Variants in ZNF33B observed in about 807,000 individuals in gnomAD.
ZNF33B encodes zinc finger protein 33B, also known as zinc finger protein 11b (KOX 2).
A neutral mutation model predicts 45.8 loss-of-function variants in ZNF33B; 29 were observed. The observed-to-expected ratio is 0.63, with a 90% CI of 0.47 to 0.86. The LOEUF (loss-of-function observed/expected upper bound fraction) is 0.86. Ranked by LOEUF, ZNF33B falls within the 40% of genes least tolerant of loss-of-function variation. The probability of loss-of-function intolerance (pLI) is 0.00; values close to 1 mark genes in which losing one functional copy is unlikely to be tolerated. For synonymous variants in ZNF33B, 305 were observed against 307.8 expected (o/e 0.99, Z 0.10); for missense variants, 831 against 909.9 (o/e 0.91, Z 1.12).
intron 4 of ZNF33B, among the ~76,000 whole-genome samples, chr10:42,630,052 T>A (rs1838980908): frequency 6.6e-6 from 1 of 152,098 alleles, no homozygotes; most frequent in Admixed American, 6.6e-5. Context: ...ACGAGAAAAA[T>A]ATATTTATCC....
chr10:42,603,964 A>T (rs768443116), intron 4 of ZNF33B, among the ~76,000 whole-genome samples: 2 of 152,250 alleles, frequency 1.3e-5, no homozygotes, highest in South Asian at 4.1e-4. Context: ...CCTAGAGAGA[A>T]TAGAGGAATC....
chr10:42,624,610 T>C (rs1298485518), intron 4 of ZNF33B, among the ~76,000 whole-genome samples: 2 of 152,194 alleles, frequency 1.3e-5, no homozygotes, highest in Non-Finnish European at 1.5e-5. Context: ...AGAAAAGTTA[T>C]AACAATATGC....
intron 4 of ZNF33B, among the ~76,000 whole-genome samples, chr10:42,618,638 A>T (rs979217521): frequency 6.6e-6 from 1 of 152,236 alleles, no homozygotes; most frequent in Non-Finnish European, 1.5e-5. Flanking sequence ...TGATAAAAAC[A>T]TCTTTCATTA....
At chr10:42,631,220 T>G (rs908426307) in intron 4 of ZNF33B, among the ~76,000 whole-genome samples, 1 of 152,182 alleles carries the variant, frequency 6.6e-6, no homozygotes, top group African/African-American at 2.4e-5. Context: ...ATTTACTTAT[T>G]TTTGAGACAG....
chr10:42,620,567 A>T (rs1451974285), intron 4 of ZNF33B, among the ~76,000 whole-genome samples: 6 of 142,436 alleles, frequency 4.2e-5, no homozygotes, highest in East Asian at 2.1e-4. Context: ...ACACCCAACT[A>T]TTTTTTTTTT....
At chr10:42,636,823 A>C in intron 2 of ZNF33B, 97 bp downstream of exon 2, 1 of 1,552,952 alleles carries the variant, frequency 6.4e-7, no homozygotes, top group South Asian at 1.1e-5. Context: ...GCGAGACTCC[A>C]TGTCACAAAC....
intron 4 of ZNF33B, among the ~76,000 whole-genome samples, chr10:42,610,367 C>G (rs1166228927): frequency 6.6e-6 from 1 of 152,096 alleles, no homozygotes; most frequent in African/African-American, 2.4e-5. Flanking sequence ...GAAACCCTGT[C>G]TCTACTAAAA....
chr10:42,627,950 G>T (rs746829553), intron 4 of ZNF33B, among the ~76,000 whole-genome samples: 12 of 152,070 alleles, frequency 7.9e-5, no homozygotes, highest in Non-Finnish European at 1.3e-4. Flanking sequence ...CCAGGATATG[G>T]TCTATCTTTC....
chr10:42,617,495 GC>G (rs780686607), intron 4 of ZNF33B, among the ~76,000 whole-genome samples: 3 of 152,148 alleles, frequency 2.0e-5, no homozygotes, highest in Non-Finnish European at 4.4e-5. Flanking sequence ...GTAACAATTT[GC>G]AGAACTACAG....
chr10:42,588,608 T>A (rs1158961389), downstream of ZNF33B, among the ~76,000 whole-genome samples: 1 of 152,002 alleles, frequency 6.6e-6, no homozygotes, highest in Non-Finnish European at 1.5e-5. Context: ...TCACACCAAC[T>A]CTCAGAAAGG....
chr10:42,613,363 C>T (rs533958730), intron 4 of ZNF33B, among the ~76,000 whole-genome samples: 137 of 152,118 alleles, frequency 9.0e-4, no homozygotes, highest in Admixed American at 2.2e-3. Context: ...GCCTGTACAA[C>T]ATGGCAAAAT....
At chr10:42,621,741 T>C (rs1264637778) in intron 4 of ZNF33B, among the ~76,000 whole-genome samples, 15 of 152,114 alleles carry the variant, frequency 9.9e-5, no homozygotes, top group Non-Finnish European at 1.8e-4. Context: ...AATTCACAGC[T>C]TTACATCATA....
chr10:42,594,827 A>T (rs1837330142), intron 4 of ZNF33B, 128 bp from the exon 5 acceptor site: 2 of 1,062,046 alleles, frequency 1.9e-6, no homozygotes, highest in Non-Finnish European at 2.5e-6. Context: ...AGATGAACAT[A>T]ATTGCAAGTG....
In ZNF33B at chr10:42,576,196, C is replaced by A. The variant is rs571876809; in HGVS notation, c.74-1518G>T. ...TAGAGACAGGGTTTCACCATGTTTC[C>A]CAGGGTGGTCTCGAACTCCTGAGCT... On this transcript the variant is annotated intron_variant, in intron 1 of 1. Coordinates refer to the ZNF33B transcript ENST00000462075. Among the ~76,000 whole-genome samples, 40 of 152,064 alleles carry A rather than the reference C, an allele frequency of 2.6e-4. No homozygotes were observed. In the South Asian group the frequency reaches 7.8e-3, roughly 30 times the overall value.
At chr10:42,618,262 G>A (rs913685196) in intron 4 of ZNF33B, among the ~76,000 whole-genome samples, 1 of 152,122 alleles carries the variant, frequency 6.6e-6, no homozygotes, top group African/African-American at 2.4e-5. Context: ...CATCCATAAT[G>A]TTACATGTAT....
At chr10:42,607,102 T>C (rs1247032450) in intron 4 of ZNF33B, among the ~76,000 whole-genome samples, 1 of 152,046 alleles carries the variant, frequency 6.6e-6, no homozygotes, top group Non-Finnish European at 1.5e-5. Context: ...GTTTTAAATA[T>C]ATATGCAATA....
chr10:42,629,788 C>A (rs1480931476), intron 4 of ZNF33B, among the ~76,000 whole-genome samples: 1 of 151,638 alleles, frequency 6.6e-6, no homozygotes, highest in Non-Finnish European at 1.5e-5. Context: ...TTTTAGATTC[C>A]ATCTGGGTTT....
intron 1 of ZNF33B, chr10:42,582,278 T>C (rs1335032807): frequency 2.0e-5 from 3 of 152,192 alleles, no homozygotes; most frequent in Non-Finnish European, 1.5e-5. Context: ...CTCTGGGGTA[T>C]ATACGAATGA....
downstream of ZNF33B, among the ~76,000 whole-genome samples, chr10:42,588,414 G>T (rs1358239621): frequency 5.3e-5 from 8 of 152,214 alleles, no homozygotes; most frequent in Non-Finnish European, 4.4e-5. Flanking sequence ...TTAGCCAAGA[G>T]CAGTTAGTTA....
Sources: allele counts gnomAD v4.1 joint callset (sites outside exome capture counted in the v4.1 genomes callset), GRCh38; gene constraint gnomAD v4.1.1; transcripts MANE v1.5; gene names NCBI Gene and HGNC (gene_info 2026-07-23, HGNC 2026-07-21).